Variants in PIK3C2G observed in about 807,000 individuals in gnomAD.
The protein encoded by PIK3C2G is phosphatidylinositol-4-phosphate 3-kinase catalytic subunit type 2 gamma, also known as phosphatidylinositol 3-kinase C2 domain-containing subunit gamma.
PIK3C2G carries 168 observed loss-of-function variants against 181.1 expected under a neutral mutation model. The observed-to-expected ratio is 0.93, with a 90% CI of 0.82 to 1.05. The LOEUF is 1.05. Among genes scored for constraint, PIK3C2G ranks in the 50% least tolerant of loss-of-function variants. The probability of loss-of-function intolerance (pLI) is 0.00; values close to 1 mark genes in which losing one functional copy is unlikely to be tolerated. For missense variants in PIK3C2G, 1,869 were observed against 1,732.8 expected (o/e 1.08, Z -1.40); for synonymous variants, 573 against 592.2 (o/e 0.97, Z 0.47).
intron 11 of PIK3C2G, among the ~76,000 whole-genome samples, chr12:18,360,436 G>A (rs543057642): frequency 6.6e-6 from 1 of 152,128 alleles, no homozygotes; most frequent in South Asian, 2.1e-4. Flanking sequence ...TTCTGTATTT[G>A]TCTATATATT....
At chr12:18,436,322 G>A (rs1339408662) in intron 18 of PIK3C2G, among the ~76,000 whole-genome samples, 2 of 151,960 alleles carry the variant, frequency 1.3e-5, no homozygotes, top group African/African-American at 4.8e-5. Flanking sequence ...CCAGAATTGG[G>A]TCCCTTATCA....
chr12:18,310,447 C>T (rs1950591698), intron 5 of PIK3C2G, among the ~76,000 whole-genome samples: 2 of 151,828 alleles, frequency 1.3e-5, no homozygotes, highest in African/African-American at 4.8e-5. Context: ...TAATCTACTA[C>T]TTTTTATATT....
At chr12:18,278,031 C>T (rs1356169712) in intron 1 of PIK3C2G, among the ~76,000 whole-genome samples, 2 of 152,094 alleles carry the variant, frequency 1.3e-5, no homozygotes, top group Non-Finnish European at 2.9e-5. Context: ...TGTGTGTGGT[C>T]TTCTATACTT....
At chr12:18,534,700 AG>A (rs113952035) in intron 24 of PIK3C2G, among the ~76,000 whole-genome samples, 146,824 of 148,906 alleles carry the variant, frequency 0.99, 72,382 homozygotes, top group South Asian at 1. Flanking sequence ...TTAAAAAAAA[AG>A]AAAGGCTTCT....
chr12:18,629,617 C>G (rs560267444), intron 31 of PIK3C2G, among the ~76,000 whole-genome samples: 1 of 152,058 alleles, frequency 6.6e-6, no homozygotes, highest in African/African-American at 2.4e-5. Flanking sequence ...GGGTAGTTGG[C>G]GTGTAATTGC....
chr12:18,303,100 C>CTCTTTCTTTCCTTCTTTCTT (rs1950247491), intron 5 of PIK3C2G, among the ~76,000 whole-genome samples: 1 of 75,068 alleles, frequency 1.3e-5, no homozygotes, highest in Non-Finnish European at 2.5e-5. Context: ...TCTTTTCTTT[C>CTCTTTCTTTCCTTCTTTCTT]TCTTTCTTTC....
the PIK3C2G span, among the ~76,000 whole-genome samples, chr12:18,687,058 C>G: frequency 6.6e-6 from 1 of 152,050 alleles, no homozygotes; most frequent in Non-Finnish European, 1.5e-5. Flanking sequence ...GTTACTATCT[C>G]TGGACACAGC....
chr12:18,386,728 C>T (rs1011732353), intron 14 of PIK3C2G, among the ~76,000 whole-genome samples: 3 of 152,012 alleles, frequency 2.0e-5, no homozygotes, highest in African/African-American at 7.2e-5. Context: ...CGTCAATGTA[C>T]ATTTGGATTC....
intron 9 of PIK3C2G, among the ~76,000 whole-genome samples, chr12:18,339,759 A>T (rs1456650410): frequency 6.6e-6 from 1 of 152,178 alleles, no homozygotes; most frequent in Non-Finnish European, 1.5e-5. Context: ...TTGTGTGATT[A>T]GACAGTAAAA....
intron 26 of PIK3C2G, among the ~76,000 whole-genome samples, chr12:18,561,773 GACA>G (rs988422930): frequency 5.3e-5 from 8 of 150,870 alleles, no homozygotes; most frequent in Non-Finnish European, 1.0e-4. Context: ...AAAAAGCAGA[GACA>G]ACAAAAATAA....
At chr12:18,273,804 G>A (rs1948851564) in intron 1 of PIK3C2G, among the ~76,000 whole-genome samples, 1 of 152,092 alleles carries the variant, frequency 6.6e-6, no homozygotes, top group African/African-American at 2.4e-5. Flanking sequence ...ATTGAAAAAT[G>A]GGATCTAATT....
intron 5 of PIK3C2G, among the ~76,000 whole-genome samples, chr12:18,301,764 A>G (rs1231184515): frequency 6.6e-6 from 1 of 151,852 alleles, no homozygotes; most frequent in Non-Finnish European, 1.5e-5. Flanking sequence ...TTGAAGATTC[A>G]TATTTCTTTG....
At chr12:18,392,810 T>C (rs2138063635) in intron 15 of PIK3C2G, among the ~76,000 whole-genome samples, 1 of 152,256 alleles carries the variant, frequency 6.6e-6, no homozygotes, top group Non-Finnish European at 1.5e-5. Flanking sequence ...GATAACAATG[T>C]GTGTGAATAA....
chr12:18,602,406 C>A (rs920779774), intron 30 of PIK3C2G, among the ~76,000 whole-genome samples: 1 of 151,302 alleles, frequency 6.6e-6, no homozygotes, highest in Non-Finnish European at 1.5e-5. Context: ...AGCTCAGACA[C>A]GCCTAGCCCC....
chr12:18,315,732 G>T (rs1950830844), intron 6 of PIK3C2G, among the ~76,000 whole-genome samples: 1 of 152,286 alleles, frequency 6.6e-6, no homozygotes, highest in South Asian at 2.1e-4. Context: ...AAACTGACGA[G>T]CAGAGAAGTA....
chr12:18,699,753 C>T, the PIK3C2G span: 19 of 1,574,840 alleles, frequency 1.2e-5, no homozygotes, highest in Non-Finnish European at 1.5e-5. Flanking sequence ...GTGAATCTAA[C>T]TCATTTAAAC....
intron 18 of PIK3C2G, among the ~76,000 whole-genome samples, chr12:18,472,856 C>T (rs185199622): frequency 1.4e-4 from 22 of 152,160 alleles, no homozygotes; most frequent in South Asian, 2.1e-4. Flanking sequence ...CCCGCCACCA[C>T]GCCCAGCTAA....
At chr12:18,311,945 C>G (rs935805362) in intron 5 of PIK3C2G, among the ~76,000 whole-genome samples, 2 of 152,122 alleles carry the variant, frequency 1.3e-5, no homozygotes, top group African/African-American at 4.8e-5. Flanking sequence ...AGTCCCAAAG[C>G]TGAAGAACTT....
intron 30 of PIK3C2G, 89 bp downstream of exon 30, chr12:18,594,658 A>G (rs973088090): frequency 3.1e-6 from 2 of 638,898 alleles, no homozygotes; most frequent in African/African-American, 1.9e-5. Flanking sequence ...CAATTTTTCA[A>G]TTAAAATCTC....
Sources: allele counts gnomAD v4.1 joint callset (sites outside exome capture counted in the v4.1 genomes callset), GRCh38; gene constraint gnomAD v4.1.1; transcripts MANE v1.5; gene names NCBI Gene and HGNC (gene_info 2026-07-23, HGNC 2026-07-21).